Variants in NUP153 observed in about 807,000 individuals in gnomAD.
NUP153 encodes the protein nuclear pore complex protein Nup153.
A neutral mutation model predicts 134.6 loss-of-function variants in NUP153; 27 were observed. The observed-to-expected ratio is 0.20, with a 90% CI of 0.15 to 0.28. The LOEUF (loss-of-function observed/expected upper bound fraction) is 0.28, where lower values mean the gene tolerates loss of function less well. Ranked by LOEUF, NUP153 falls within the 10% of genes least tolerant of loss-of-function variation. NUP153 has a pLI of 1.00. For synonymous variants in NUP153, 640 were observed against 623.5 expected (o/e 1.03, Z -0.40); for missense variants, 1,821 against 1,731.3 (o/e 1.05, Z -0.92).
At chr6:17,645,452 T>C (rs116418264) in intron 14 of NUP153, among the ~76,000 whole-genome samples, 151 of 147,808 alleles carry the variant, frequency 1.0e-3, no homozygotes, top group African/African-American at 3.7e-3. Flanking sequence ...CACCACCACC[T>C]GGTTATTTCT....
intron 5 of NUP153, among the ~76,000 whole-genome samples, chr6:17,671,474 A>G (rs1767906834): frequency 6.6e-6 from 1 of 152,190 alleles, no homozygotes; most frequent in Non-Finnish European, 1.5e-5. Flanking sequence ...TATGAACTCA[A>G]TTCACTGAAA....
At position 17,627,186 on chromosome 6, in the gene NUP153, A is replaced by G. The variant is rs73722991; in HGVS notation, c.3545-1022T>C. Reference sequence around the variant, plus strand: ...ATGTTGGCTTACTTTCAACCTGGCTAATGGAAGAATGGTTAAGAGTGTCTA... The same window carrying G: ...ATGTTGGCTTACTTTCAACCTGGCTGATGGAAGAATGGTTAAGAGTGTCTA... On this transcript the variant is annotated intron_variant, in intron 18 of 21. Coordinates refer to ENST00000262077, the MANE Select transcript of NUP153 (RefSeq NM_005124.4). Among the ~76,000 whole-genome samples the G allele has an allele frequency of 4.6e-3, 701 of 152,298 alleles. 3 individuals are homozygous for G. The highest frequency in any genetic ancestry group is 0.016 in the African/African-American group (672 of 41,560).
At chr6:17,682,591 C>T (rs1227676596) in intron 2 of NUP153, among the ~76,000 whole-genome samples, 1 of 152,048 alleles carries the variant, frequency 6.6e-6, no homozygotes, top group African/African-American at 2.4e-5. Context: ...TAAAAATGTG[C>T]ACAGTATCTT....
At chr6:17,616,254 G>A (rs920286165) in intron 21 of NUP153, 73 bp from the exon 22 acceptor site, 1 of 529,650 alleles carries the variant, frequency 1.9e-6, no homozygotes, top group Non-Finnish European at 3.3e-6. Flanking sequence ...CATTTACCAT[G>A]AGCAGCACAA....
chr6:17,652,281 GAACTATAAAAC>G (rs1290107466), intron 11 of NUP153, among the ~76,000 whole-genome samples: 3 of 151,876 alleles, frequency 2.0e-5, no homozygotes, highest in Admixed American at 6.6e-5. Flanking sequence ...ACCATACAGT[GAACTATAAAAC>G]AAGTCTCAAT....
At chr6:17,624,526 C>A in intron 20 of NUP153, 35 bp downstream of exon 20, 1 of 1,600,542 alleles carries the variant, frequency 6.2e-7, no homozygotes, top group Non-Finnish European at 8.5e-7. Context: ...CACACAAAAC[C>A]CATACAGATA....
At chr6:17,668,272 G>A (rs989718388) in intron 8 of NUP153, among the ~76,000 whole-genome samples, 5 of 151,752 alleles carry the variant, frequency 3.3e-5, no homozygotes, top group Non-Finnish European at 7.4e-5. Context: ...TAGAGACAGG[G>A]TTTCACCATG....
intron 2 of NUP153, among the ~76,000 whole-genome samples, chr6:17,677,748 TTGA>T (rs1457742345): frequency 1.3e-5 from 2 of 148,676 alleles, no homozygotes; most frequent in Non-Finnish European, 3.0e-5. Flanking sequence ...TTTTTTTTTT[TTGA>T]GACAGTCTCA....
chr6:17,694,218 A>G (rs1367414865), intron 1 of NUP153, among the ~76,000 whole-genome samples: 1 of 152,168 alleles, frequency 6.6e-6, no homozygotes, highest in African/African-American at 2.4e-5. Flanking sequence ...GTGGTATGTG[A>G]TCAGCAAGTA....
chr6:17,632,161 G>T (rs1318401023), intron 17 of NUP153, among the ~76,000 whole-genome samples: 1 of 151,986 alleles, frequency 6.6e-6, no homozygotes, highest in South Asian at 2.1e-4. Context: ...GTTCATCTGG[G>T]CGCGGTGGCT....
chr6:17,705,699 T>C (rs773688472), intron 1 of NUP153, among the ~76,000 whole-genome samples: 3 of 151,758 alleles, frequency 2.0e-5, no homozygotes, highest in Non-Finnish European at 2.9e-5. Context: ...TCTAAGCCAA[T>C]GCTCTCAAGA....
intron 14 of NUP153, among the ~76,000 whole-genome samples, chr6:17,645,417 C>T (rs2113794856): frequency 6.6e-6 from 1 of 151,946 alleles, no homozygotes; most frequent in East Asian, 1.9e-4. Flanking sequence ...CTTCAGCATC[C>T]CAGGTAGCTG....
chr6:17,628,998 T>G lies in NUP153; in HGVS notation c.3201A>C (p.Thr1067=). The change falls in exon 18 of 22, where the codon ACA becomes ACC. Residue 1067 remains threonine, a synonymous_variant. Coordinates refer to ENST00000262077, the MANE Select transcript of NUP153 (RefSeq NM_005124.4). The surrounding 1 kb of genome is among the most constrained non-coding windows in gnomAD (Gnocchi z 5.4). ...SASVAPFTCK[T]SEAKKEEMPA... ...GCATTTCTTCTTTTTTAGCTTCTGA[T>G]GTCTTACATGTGAAAGGAGCCACTG... 1.2e-6 allele frequency: 2 copies of G among 1,614,180 alleles called. No individual in the cohort carries two copies. The highest frequency in any genetic ancestry group is 1.3e-5 in the African/African-American group (1 of 75,050).
At chr6:17,642,287 A>C (rs1481905294) in intron 14 of NUP153, among the ~76,000 whole-genome samples, 6 of 152,216 alleles carry the variant, frequency 3.9e-5, no homozygotes, top group Admixed American at 2.0e-4. Flanking sequence ...GTGAAAAGAC[A>C]ATCTATAAAT....
intron 2 of NUP153, among the ~76,000 whole-genome samples, chr6:17,686,877 C>A (rs1232603112): frequency 6.1e-5 from 3 of 48,924 alleles, no homozygotes; most frequent in African/African-American, 2.1e-4. Flanking sequence ...CAGTAATGGG[C>A]AGCCGGGGGC....
At chr6:17,630,576 T>C (rs979557900) in intron 17 of NUP153, among the ~76,000 whole-genome samples, 1 of 151,894 alleles carries the variant, frequency 6.6e-6, no homozygotes, top group African/African-American at 2.4e-5. Context: ...GGCAGGAGAA[T>C]TGCTTGAGCC....
At chr6:17,632,336 C>CAAAA (rs869279182) in intron 17 of NUP153, among the ~76,000 whole-genome samples, 1 of 144,036 alleles carries the variant, frequency 6.9e-6, no homozygotes, top group African/African-American at 2.5e-5. Context: ...AACAAACAAA[C>CAAAA]AAAAAAACAA....
At chr6:17,668,235 C>T (rs895412930) in intron 8 of NUP153, among the ~76,000 whole-genome samples, 2 of 151,560 alleles carry the variant, frequency 1.3e-5, no homozygotes, top group African/African-American at 4.9e-5. Context: ...ACCGCCACAC[C>T]TGGCTAATTT....
Position 17,639,973 on chromosome 6 carries a change from T to G in NUP153, c.1812A>C (p.Lys604Asn), listed in dbSNP as rs1765751713. ...EGPFRPAEIL[K>N]EGSVLDILKS... The stretch of plus-strand genomic sequence containing the variant: ...TCAGAATATCTAGAACACTTCCTTC[T>G]TTCAGGATTTCTGCAGGTCTAAAAG... Residue 604 changes from lysine (K) to asparagine (N), a missense_variant, in exon 15 of 22, where the codon AAA becomes AAC. Lys to Asn is a moderately conservative substitution (Grantham distance 94). Coordinates refer to ENST00000262077, the MANE Select transcript of NUP153 (RefSeq NM_005124.4). The G allele has an allele frequency of 2.5e-6, 4 of 1,612,502 alleles. No individual in the cohort carries two copies. The highest frequency in any genetic ancestry group is 3.4e-6 in the Non-Finnish European group (4 of 1,179,342).
Sources: gnomAD v4.1 joint callset for allele counts (sites outside exome capture counted in the v4.1 genomes callset) on GRCh38, gnomAD v4.1.1 for gene constraint, Gnocchi (gnomAD v3.1) non-coding constraint, MANE v1.5 for transcripts, NCBI Gene and HGNC (gene_info 2026-07-23, HGNC 2026-07-21) for gene names.